Variants in FHIP1A observed in about 807,000 individuals in gnomAD.
The protein encoded by FHIP1A is FHF complex subunit HOOK-interacting protein 1A.
In FHIP1A, 61 loss-of-function variants were observed where a neutral mutation model predicts 88.6. That is an observed-to-expected ratio of 0.69 (90% CI 0.56 to 0.85). FHIP1A has a LOEUF of 0.85. FHIP1A is among the 40% of genes least tolerant of loss of function. FHIP1A has a pLI of 0.00. For missense variants in FHIP1A, 1,154 were observed against 1,273.5 expected, an observed-to-expected ratio of 0.91 and a Z score of 1.43; for synonymous variants, 478 against 496.0, an observed-to-expected ratio of 0.96 and a Z score of 0.48.
chr4:151,501,934 A>G (rs1453495261), intron 3 of FHIP1A, among the ~76,000 whole-genome samples: 2 of 151,858 alleles, frequency 1.3e-5, no homozygotes, highest in Admixed American at 1.3e-4. Flanking sequence ...ATGGACAGAA[A>G]CTATCTATGA....
intron 1 of FHIP1A, among the ~76,000 whole-genome samples, chr4:151,431,989 G>C (rs1401680900): frequency 1.3e-5 from 2 of 152,200 alleles, no homozygotes; most frequent in African/African-American, 4.8e-5. Context: ...CAAAGCTGGT[G>C]ACCTTAACTA....
intron 3 of FHIP1A, among the ~76,000 whole-genome samples, chr4:151,500,143 G>A (rs1730598139): frequency 6.6e-6 from 1 of 152,154 alleles, no homozygotes; most frequent in Admixed American, 6.5e-5. Context: ...ATTAGAGACT[G>A]TTTTGATGAC....
At chr4:151,596,103 C>T (rs1734637578) in intron 7 of FHIP1A, among the ~76,000 whole-genome samples, 1 of 152,162 alleles carries the variant, frequency 6.6e-6, no homozygotes, top group African/African-American at 2.4e-5. Flanking sequence ...TTAGTTGATG[C>T]AGTTTCTTCA....
At chr4:151,561,988 C>A (rs935973245) in intron 3 of FHIP1A, among the ~76,000 whole-genome samples, 1 of 152,138 alleles carries the variant, frequency 6.6e-6, no homozygotes, top group Non-Finnish European at 1.5e-5. Flanking sequence ...CTGTAAGAGA[C>A]CTAAGAAATC....
intron 9 of FHIP1A, among the ~76,000 whole-genome samples, chr4:151,644,814 C>A (rs942011911): frequency 1.3e-5 from 2 of 152,136 alleles, no homozygotes; most frequent in African/African-American, 4.8e-5. Flanking sequence ...TGCACCCTGG[C>A]GCCCTCCTGT....
chr4:151,450,044 A>C (rs1425278877), intron 1 of FHIP1A, among the ~76,000 whole-genome samples: 1 of 152,154 alleles, frequency 6.6e-6, no homozygotes, highest in Admixed American at 6.6e-5. Flanking sequence ...TACAAATAAG[A>C]TGTACTTTGA....
intron 7 of FHIP1A, among the ~76,000 whole-genome samples, chr4:151,613,250 A>G (rs1735393115): frequency 6.6e-6 from 1 of 152,254 alleles, no homozygotes; most frequent in African/African-American, 2.4e-5. Flanking sequence ...CATTTGGACA[A>G]TTAACTTATT....
rs188424313 is a variant in FHIP1A at position 151,500,556 on chromosome 4, T to C, written c.-123+17908T>C. ...CTGCCTGCCTCAGTTTCTTCAGTGATAAAGTTGGGAAAATAATAGTCTACA... is the reference window on the plus strand; with the variant it reads ...CTGCCTGCCTCAGTTTCTTCAGTGACAAAGTTGGGAAAATAATAGTCTACA... On this transcript the variant is annotated intron_variant, in intron 3 of 13. Coordinates refer to ENST00000435205, the MANE Select transcript of FHIP1A (RefSeq NM_001109977.3). Among the ~76,000 whole-genome samples the C allele has an allele frequency of 3.9e-5, 6 of 152,062 alleles. No individual in the cohort carries two copies. In the East Asian group the frequency reaches 1.2e-3, roughly 29 times the overall value.
chr4:151,508,618 A>G (rs1730914464), intron 3 of FHIP1A, among the ~76,000 whole-genome samples: 1 of 152,202 alleles, frequency 6.6e-6, no homozygotes, highest in South Asian at 2.1e-4. Context: ...TCAGCAGTAT[A>G]CTTGCATAGA....
At chr4:151,508,615 T>C (rs534559162) in intron 3 of FHIP1A, among the ~76,000 whole-genome samples, 4 of 152,282 alleles carry the variant, frequency 2.6e-5, no homozygotes, top group South Asian at 2.1e-4. Context: ...AATTCAGCAG[T>C]ATACTTGCAT....
In FHIP1A at chr4:151,646,753, GA is replaced by G. The variant is rs1274969704; in HGVS notation, c.1417+7del. 7 of 1,536,868 alleles carry G rather than the reference GA, an allele frequency of 4.6e-6. No individual in the cohort carries two copies. Among genetic ancestry groups the G allele is most frequent in the Non-Finnish European group, 6.2e-6 (7 of 1,136,346 alleles). On this transcript the variant is annotated splice_donor_region_variant and intron_variant, in intron 10 of 13. Coordinates refer to ENST00000435205, the MANE Select transcript of FHIP1A (RefSeq NM_001109977.3). ...AGTGTATGCATGACACTTCAGGTAG[GA>G]ACTCGCTAGTGATGATCTTTAAACA... is the stretch of plus-strand genomic sequence containing the variant.
intron 3 of FHIP1A, among the ~76,000 whole-genome samples, chr4:151,561,275 T>C (rs537225634): frequency 6.6e-6 from 1 of 152,328 alleles, no homozygotes; most frequent in African/African-American, 2.4e-5. Context: ...ATGGACGTTT[T>C]ACAGTGAATG....
intron 7 of FHIP1A, 86 bp from the exon 8 acceptor site, chr4:151,629,616 T>C: frequency 8.3e-7 from 1 of 1,205,538 alleles, no homozygotes; most frequent in Non-Finnish European, 1.2e-6. Context: ...ATGATGTCAC[T>C]GTGGTGAGGC....
chr4:151,415,510 TG>T (rs1346009920), intron 1 of FHIP1A, among the ~76,000 whole-genome samples: 1 of 152,188 alleles, frequency 6.6e-6, no homozygotes. Flanking sequence ...AGCCTTTTGT[TG>T]GGAATTTGGA....
intron 7 of FHIP1A, among the ~76,000 whole-genome samples, chr4:151,613,022 G>A (rs1013738355): frequency 6.6e-6 from 1 of 152,184 alleles, no homozygotes; most frequent in Non-Finnish European, 1.5e-5. Flanking sequence ...AACTGGATCA[G>A]GAAAGGCATG....
At chr4:151,560,617 A>G (rs999250076) in intron 3 of FHIP1A, among the ~76,000 whole-genome samples, 1 of 152,154 alleles carries the variant, frequency 6.6e-6, no homozygotes, top group Admixed American at 6.6e-5. Flanking sequence ...TTGTTTCTTA[A>G]TAGCTTTCAA....
chr4:151,604,587 G>C (rs1478390968), intron 7 of FHIP1A, among the ~76,000 whole-genome samples: 1 of 152,092 alleles, frequency 6.6e-6, no homozygotes, highest in Non-Finnish European at 1.5e-5. Context: ...GGTGGCTCAC[G>C]CCTGTAATCC....
intron 2 of FHIP1A, among the ~76,000 whole-genome samples, chr4:151,477,377 T>C (rs1220763905): frequency 6.6e-6 from 1 of 152,158 alleles, no homozygotes; most frequent in African/African-American, 2.4e-5. Context: ...AATCAATCTA[T>C]GATAAACAAA....
chr4:151,648,782 T>C (rs1472937729), intron 10 of FHIP1A, among the ~76,000 whole-genome samples: 2 of 151,988 alleles, frequency 1.3e-5, no homozygotes, highest in South Asian at 2.1e-4. Flanking sequence ...TCAGTCTTTT[T>C]CTCTTGAGGG....
Sources: allele counts gnomAD v4.1 joint callset (sites outside exome capture counted in the v4.1 genomes callset), GRCh38; gene constraint gnomAD v4.1.1; transcripts MANE v1.5; gene names NCBI Gene and HGNC (gene_info 2026-07-23, HGNC 2026-07-21).